The following MSH5 variants were observed in gnomAD, a reference collection of about 807,000 sequenced individuals.
The protein encoded by MSH5 is mutS protein homolog 5.
In MSH5, 78 loss-of-function variants were observed where a neutral mutation model predicts 107.7. The ratio of observed to expected loss-of-function variants is 0.72; its 90% CI spans 0.60 to 0.87. The LOEUF (loss-of-function observed/expected upper bound fraction) is 0.87. MSH5 is among the 40% of genes least tolerant of loss of function. The pLI is 0.00. For synonymous variants in MSH5, 326 were observed against 399.5 expected, an observed-to-expected ratio of 0.82 and a Z score of 2.19; for missense variants, 889 against 1,046.6, an observed-to-expected ratio of 0.85 and a Z score of 2.08.
chr6:31,748,907 C>T (rs1809706087), intron 10 of MSH5, among the ~76,000 whole-genome samples: 1 of 132,922 alleles, frequency 7.5e-6, no homozygotes. Flanking sequence ...GCTGCTCCTT[C>T]TGGAAAGTCT....
Position 31,762,192 on chromosome 6 carries a change from A to G in MSH5, c.2393+7A>G. ...AGAAGAACCAAATGGAAAAGTGCGT[A>G]TATGGCCCCAGTGTCTTTACCCTCT... On this transcript the variant is annotated splice_region_variant and intron_variant, in intron 24 of 24. Transcript: ENST00000375750. 1 of 1,614,032 alleles carries G rather than the reference A, an allele frequency of 6.2e-7. No individual in the cohort carries two copies. The highest frequency in any genetic ancestry group is 8.5e-7 in the Non-Finnish European group (1 of 1,179,874).
chr6:31,743,003 A>G, intron 4 of MSH5, 46 bp downstream of exon 4: 1 of 1,609,704 alleles, frequency 6.2e-7, no homozygotes, highest in South Asian at 1.1e-5. Context: ...AAGGACTAAT[A>G]TATGGAATAT....
chr6:31,759,292 C>A lies in MSH5; in HGVS notation c.1407+115C>A. 7.2e-7 allele frequency: 1 copy of A among 1,385,018 alleles called. No individual in the cohort carries two copies. The highest frequency in any genetic ancestry group is 1.0e-6 in the Non-Finnish European group (1 of 974,380). 85.8% of individuals were successfully genotyped at this position (1,385,018 alleles called of 1,614,324 possible). Reference sequence around the variant, plus strand: ...ATGGGATCTCTCCTCTGTAGTTTTACTCTGAGCTTTACCAGCACTGAGACA... The same window carrying A: ...ATGGGATCTCTCCTCTGTAGTTTTAATCTGAGCTTTACCAGCACTGAGACA... On this transcript the variant is annotated intron_variant, in intron 16 of 24. Coordinates refer to ENST00000375750, the MANE Select transcript of MSH5 (RefSeq NM_172166.4). This position sits in a 1 kb window ranked among gnomAD's most constrained non-coding sequence, Gnocchi z 4.7.
chr6:31,742,503 C>G (rs1809008215), intron 3 of MSH5, among the ~76,000 whole-genome samples: 1 of 152,222 alleles, frequency 6.6e-6, no homozygotes, highest in Non-Finnish European at 1.5e-5. Flanking sequence ...AGTGATCTGC[C>G]TGCCTTGGCC....
intron 12 of MSH5, 97 bp downstream of exon 12, chr6:31,753,726 C>G: frequency 5.3e-6 from 6 of 1,133,108 alleles, no homozygotes; most frequent in South Asian, 1.3e-5. Context: ...CAATTTTATT[C>G]TACCCTCTTT....
intron 10 of MSH5, among the ~76,000 whole-genome samples, chr6:31,750,619 C>G (rs3117573): frequency 0.073 from 11,165 of 152,220 alleles, 532 homozygotes; most frequent in Non-Finnish European, 0.11. Context: ...TAGTGCAGCG[C>G]ATGTGCTTTC....
Position 31,760,346 on chromosome 6 carries a change from A to G in MSH5, c.1812+130A>G, listed in dbSNP as rs1810878864. 2 of 1,253,140 alleles carry G rather than the reference A, an allele frequency of 1.6e-6. No individual in the cohort carries two copies. Among genetic ancestry groups the G allele is most frequent in the African/African-American group, 1.5e-5 (1 of 66,320 alleles). 77.6% of individuals were successfully genotyped at this position (1,253,140 alleles called of 1,614,324 possible). On this transcript the variant is annotated intron_variant, in intron 19 of 24. Coordinates refer to ENST00000375750, the MANE Select transcript of MSH5 (RefSeq NM_172166.4). This position sits in a 1 kb window ranked among gnomAD's most constrained non-coding sequence, Gnocchi z 5.6. ...CCCCGCTCTTCATGAAAGGACCATC[A>G]CCCACATCCCTGTGCTTCCACCTCA...
intron 5 of MSH5, chr6:31,743,379 C>G: frequency 1.6e-6 from 1 of 616,570 alleles, no homozygotes; most frequent in Non-Finnish European, 2.9e-6. Flanking sequence ...CTGCTTAAGT[C>G]ATGTCTAGGG....
chr6:31,745,340 A>C, intron 9 of MSH5, 21 bp downstream of exon 9: 2 of 1,565,440 alleles, frequency 1.3e-6, no homozygotes, highest in Non-Finnish European at 1.8e-6. Context: ...CCCATCCCTC[A>C]TCTCACATTA....
At chr6:31,744,627 T>C in intron 8 of MSH5, 46 bp downstream of exon 8, 1 of 1,594,424 alleles carries the variant, frequency 6.3e-7, no homozygotes, top group Non-Finnish European at 8.6e-7. Context: ...GGGAGAAGGA[T>C]TAAGTTTAAT....
At chr6:31,747,348 G>T in intron 9 of MSH5, 39 bp from the exon 10 acceptor site, 1 of 1,608,712 alleles carries the variant, frequency 6.2e-7, no homozygotes, top group Non-Finnish European at 8.5e-7. Context: ...CCCTGTCCCT[G>T]CCTTGTAACA....
At chr6:31,749,467 G>A (rs1200921153) in intron 10 of MSH5, among the ~76,000 whole-genome samples, 2 of 151,762 alleles carry the variant, frequency 1.3e-5, no homozygotes, top group Middle Eastern at 3.2e-3. Flanking sequence ...GCTTGAACTC[G>A]GGAGGTAGAG....
rs1438643255 is a variant in MSH5 at position 31,740,669 on chromosome 6, G to C, written c.147+56G>C. 4.2e-6 allele frequency: 6 copies of C among 1,435,740 alleles called. No individual in the cohort carries two copies. The African/African-American group carries it at 7.3e-5, about 18-fold the overall frequency. The allele number at this position is 1,435,740 out of a possible 1,614,324, so 88.9% of individuals were successfully genotyped here. On this transcript the variant is annotated intron_variant, in intron 2 of 24. Coordinates refer to ENST00000375750, the MANE Select transcript of MSH5 (RefSeq NM_172166.4). The surrounding 1 kb of genome is among the most constrained non-coding windows in gnomAD (Gnocchi z 4.4). ...GAGTTGATGGGAAGTTAGAATAAAA[G>C]AGGGTTGGGAGCCGGGCGCGGTGGC...
chr6:31,756,058 T>C (rs1035555335), intron 12 of MSH5, among the ~76,000 whole-genome samples: 7 of 151,538 alleles, frequency 4.6e-5, no homozygotes, highest in African/African-American at 7.3e-5. Context: ...TTTTTTTTTT[T>C]CAATACTGTT....
intron 2 of MSH5, 105 bp from the exon 3 acceptor site, chr6:31,741,058 G>C: frequency 7.1e-7 from 1 of 1,407,464 alleles, no homozygotes; most frequent in South Asian, 1.3e-5. Flanking sequence ...GGGTGATGAT[G>C]CCTATCTCAG....
chr6:31,743,139 T>C lies in MSH5; in HGVS notation c.384T>C (p.Pro128=). Reference sequence around the variant, plus strand: ...AGGAGCACAGAGAGCCTAAAAGACCTGAAATCATATTTTTGCCAAGTGTGG... The same window carrying C: ...AGGAGCACAGAGAGCCTAAAAGACCCGAAATCATATTTTTGCCAAGTGTGG... ...ASQEHREPKR[P]EIIFLPSVDF... The change falls in exon 5 of 25, where the codon CCT becomes CCC. Residue 128 remains proline, a synonymous_variant. Transcript: ENST00000375750. The C allele has an allele frequency of 6.2e-7, 1 of 1,612,968 alleles. No homozygotes were observed. The highest frequency in any genetic ancestry group is 8.5e-7 in the Non-Finnish European group (1 of 1,179,968).
chr6:31,760,752 T>G lies in MSH5; in HGVS notation c.1875T>G (p.Ile625Met), dbSNP rs1420450908. The G allele has an allele frequency of 1.2e-6, 2 of 1,612,986 alleles. No individual in the cohort carries two copies. Among genetic ancestry groups the G allele is most frequent in the Non-Finnish European group, 8.5e-7 (1 of 1,180,028 alleles). ...GSFVPAEEAE[I>M]GAVDAIFTRI... ...TTGTGCCAGCAGAGGAGGCCGAAAT[T>G]GGGGCAGTAGACGCCATCTTCACAC... is the stretch of plus-strand genomic sequence containing the variant. Residue 625 changes from isoleucine to methionine, a missense_variant, in exon 20 of 25, where the codon ATT becomes ATG. Ile to Met is a conservative substitution (Grantham distance 10). Around this residue, in one of 3 missense-constraint regions of MSH5, gnomAD observed 362 missense variants for 456.2 expected, o/e 0.79. Coordinates refer to ENST00000375750, the MANE Select transcript of MSH5 (RefSeq NM_172166.4). The surrounding 1 kb of genome is among the most constrained non-coding windows in gnomAD (Gnocchi z 5.6).
At position 31,761,945 on chromosome 6, in the gene MSH5, G is replaced by A. The variant is rs769834225; in HGVS notation, c.2309G>A (p.Arg770His). 3.1e-6 allele frequency: 5 copies of A among 1,613,368 alleles called. No individual in the cohort carries two copies. The South Asian group carries it at 3.3e-5, about 11-fold the overall frequency. Residue 770 changes from arginine (R) to histidine (H), a missense_variant, in exon 23 of 25, where the codon CGT becomes CAT. By Grantham distance (29) the Arg-to-His change is conservative. Around this residue, in one of 3 missense-constraint regions of MSH5, gnomAD observed 362 missense variants for 456.2 expected, o/e 0.79. Coordinates refer to ENST00000375750, the MANE Select transcript of MSH5 (RefSeq NM_172166.4). This position sits in a 1 kb window ranked among gnomAD's most constrained non-coding sequence, Gnocchi z 5.3. ...GGGCTTCCTGACAAGCTTGTGGCTC[G>A]TGGCAAGGAGGTGATGAGATCCAAA... ...QAGLPDKLVA[R>H]GKEVSDLIRS...
Position 31,761,116 on chromosome 6 carries a change from AC to A in MSH5, c.1963-71del. On this transcript the variant is annotated intron_variant, in intron 20 of 24. Coordinates refer to ENST00000375750, the MANE Select transcript of MSH5 (RefSeq NM_172166.4). This position sits in a 1 kb window ranked among gnomAD's most constrained non-coding sequence, Gnocchi z 5.3. ...GGAGGGCATGTATACAGCTTTATTC[AC>A]AGGCCAACTGTGGTCAGTGCGTTAC... The A allele has an allele frequency of 6.8e-7, 1 of 1,460,656 alleles. No individual in the cohort carries two copies. The allele number at this position is 1,460,656 out of a possible 1,614,324, so 90.5% of individuals were successfully genotyped here.
Sources: gnomAD v4.1 joint callset for allele counts (sites outside exome capture counted in the v4.1 genomes callset) on GRCh38, gnomAD v4.1.1 for gene constraint, gnomAD v4.1.1 regional missense constraint, Gnocchi (gnomAD v3.1) non-coding constraint, MANE v1.5 for transcripts, NCBI Gene and HGNC (gene_info 2026-07-23, HGNC 2026-07-21) for gene names.